Variants in SRRM1 observed in about 807,000 individuals in gnomAD.
SRRM1 encodes serine and arginine repetitive matrix 1, also known as serine/arginine repetitive matrix protein 1.
Under a neutral mutation model 110.2 loss-of-function variants are expected in SRRM1, and 19 were observed. The ratio of observed to expected loss-of-function variants is 0.17; its 90% CI spans 0.12 to 0.25. SRRM1 has a LOEUF of 0.25. SRRM1 is among the 10% of genes least tolerant of loss of function. The pLI, the probability that SRRM1 is intolerant of heterozygous loss-of-function variation, is 1.00. For synonymous variants in SRRM1, 443 were observed against 414.9 expected, an observed-to-expected ratio of 1.07 and a Z score of -0.82; for missense variants, 918 against 1,145.8, an observed-to-expected ratio of 0.80 and a Z score of 2.87.
At chr1:24,663,178 C>T in intron 12 of SRRM1, 4 of 1,513,786 alleles carry the variant, frequency 2.6e-6, no homozygotes, top group Non-Finnish European at 3.6e-6. Flanking sequence ...CTCCACTGCT[C>T]TCAGGATGCA....
intron 12 of SRRM1, among the ~76,000 whole-genome samples, chr1:24,663,878 AAATAATAAT>A (rs10555916): frequency 0.21 from 29,728 of 141,372 alleles, 3,733 homozygotes; most frequent in African/African-American, 0.36. Context: ...TCCCTCTCAA[AAATAATAAT>A]AATAATAATA....
chr1:24,649,068 T>TATTG, intron 4 of SRRM1, 39 bp downstream of exon 4: 1 of 1,587,712 alleles, frequency 6.3e-7, no homozygotes, highest in Non-Finnish European at 8.6e-7. Context: ...GATTTGAGAG[T>TATTG]ATTGGCCAGG....
chr1:24,652,588 T>C lies in SRRM1; in HGVS notation c.880T>C (p.Ser294Pro). 1 of 1,612,760 alleles carries C rather than the reference T, an allele frequency of 6.2e-7. No homozygotes were observed. Among genetic ancestry groups the C allele is most frequent in the Non-Finnish European group, 8.5e-7 (1 of 1,179,606 alleles). ...SRSRTRSRSPSHTRPRRRHRS... is the reference protein window; with the variant it reads ...SRSRTRSRSPPHTRPRRRHRS... Reference sequence around the variant, plus strand: ...ATCCCGGACGCGGTCCCGCTCTCCTTCTCACACTCGACCTAGACGGCGCCA... The same window carrying C: ...ATCCCGGACGCGGTCCCGCTCTCCTCCTCACACTCGACCTAGACGGCGCCA... Residue 294 changes from serine to proline, a missense_variant, in exon 7 of 17, where the codon TCT becomes CCT. Around this residue, in one of 5 missense-constraint regions of SRRM1, gnomAD observed 456 missense variants for 453.5 expected, o/e 1.01. Transcript: ENST00000323848.
chr1:24,653,324 AC>A (rs1255777758), intron 8 of SRRM1, among the ~76,000 whole-genome samples: 3 of 152,126 alleles, frequency 2.0e-5, no homozygotes, highest in Non-Finnish European at 4.4e-5. Flanking sequence ...AGAATTGGCC[AC>A]CTTCTCTTTG....
At chr1:24,645,432 T>C (rs1312706486) in intron 1 of SRRM1, among the ~76,000 whole-genome samples, 1 of 152,194 alleles carries the variant, frequency 6.6e-6, no homozygotes, top group African/African-American at 2.4e-5. Context: ...TAAGCTTTCA[T>C]TTTTCCAGGT....
At chr1:24,652,276 A>C (rs1033882971) in intron 6 of SRRM1, among the ~76,000 whole-genome samples, 158 bp from the exon 7 acceptor site, 1 of 151,280 alleles carries the variant, frequency 6.6e-6, no homozygotes, top group Admixed American at 6.6e-5. Context: ...TCTGGGTTTC[A>C]GTGATAGGTA....
intron 12 of SRRM1, 48 bp downstream of exon 12, chr1:24,662,852 T>A: frequency 6.3e-7 from 1 of 1,586,232 alleles, no homozygotes; most frequent in Admixed American, 1.7e-5. Flanking sequence ...GTAATTGTGA[T>A]GAAATTTGAT....
At position 24,662,691 on chromosome 1, in the gene SRRM1, A is replaced by G; in HGVS notation, c.1515A>G (p.Glu505=). 13 of 1,614,076 alleles carry G rather than the reference A, an allele frequency of 8.1e-6. No homozygotes were observed. The highest frequency in any genetic ancestry group is 1.0e-5 in the Non-Finnish European group (12 of 1,179,988). ...GCTCCTCCTCCTCCTCAGAAGATGA[A>G]CGACCCAAGAGATCCCATGTGAAGA... is the stretch of plus-strand genomic sequence containing the variant. ...DSGSSSSSED[E]RPKRSHVKNG... is the part of the protein sequence containing the mutation. Residue 505 remains glutamate (E), a synonymous_variant, in exon 12 of 17, where the codon GAA becomes GAG. Transcript: ENST00000323848.
At chr1:24,667,105 GATTAT>G (rs1386086533) in intron 13 of SRRM1, among the ~76,000 whole-genome samples, 180 bp downstream of exon 13, 3 of 152,102 alleles carry the variant, frequency 2.0e-5, no homozygotes, top group Non-Finnish European at 4.4e-5. Flanking sequence ...TCTTTCTGAT[GATTAT>G]ATCTTATTAG....
chr1:24,667,992 T>TTTG (rs1250350634), intron 13 of SRRM1, among the ~76,000 whole-genome samples: 37 of 143,996 alleles, frequency 2.6e-4, no homozygotes, highest in African/African-American at 7.9e-4. Flanking sequence ...TTTTTTTTTT[T>TTTG]GAGACAGTCT....
intron 3 of SRRM1, chr1:24,647,955 A>T (rs1370767944): frequency 3.3e-5 from 5 of 152,202 alleles, no homozygotes; most frequent in Admixed American, 3.3e-4. Context: ...TAAAGTTTAG[A>T]ACTTTTTAAG....
chr1:24,653,676 T>A lies in SRRM1; in HGVS notation c.1040+644T>A, dbSNP rs996854287. 4.6e-5 allele frequency among the ~76,000 whole-genome samples: 7 copies of A among 152,298 alleles called. No homozygotes were observed. In the East Asian group the frequency reaches 1.3e-3, roughly 29 times the overall value. ...CTAAAATGAGCATAAGATAAAATAT[T>A]TGAATCTTGGATATATCACTTTAAA... On this transcript the variant is annotated intron_variant, in intron 8 of 16. Coordinates refer to ENST00000323848, the MANE Select transcript of SRRM1 (RefSeq NM_005839.4).
intron 8 of SRRM1, 36 bp downstream of exon 8, chr1:24,653,068 G>T: frequency 1.3e-6 from 2 of 1,592,294 alleles, no homozygotes; most frequent in South Asian, 2.3e-5. Flanking sequence ...TCAAGTGTTT[G>T]ACACTTCTGG....
intron 8 of SRRM1, 133 bp downstream of exon 8, chr1:24,653,165 G>A (rs1356527473): frequency 1.2e-6 from 1 of 858,270 alleles, no homozygotes; most frequent in Non-Finnish European, 1.7e-6. Flanking sequence ...CTTCTAAAGA[G>A]TCTGTTTCAT....
Position 24,669,482 on chromosome 1 carries a change from T to A in SRRM1, c.2099T>A (p.Val700Asp). ...CAGACCTCCTCAAGTCCTCCACCCG[T>A]TCGAAGAGGAGCGTCGTCATCACCC... ...APQTSSSPPP[V>D]RRGASSSPQR... Residue 700 changes from valine to aspartate, a missense_variant, in exon 14 of 17, where the codon GTT becomes GAT. Physicochemically the swap from Val to Asp is radical, Grantham distance 152. Transcript: ENST00000323848. 1 of 1,613,208 alleles carries A rather than the reference T, an allele frequency of 6.2e-7. No homozygotes were observed. Among genetic ancestry groups the A allele is most frequent in the Non-Finnish European group, 8.5e-7 (1 of 1,179,616 alleles).
rs753990495 is a variant in SRRM1 at position 24,651,628 on chromosome 1, T to C, written c.725+16T>C. Reference sequence around the variant, plus strand: ...CTTCTACTAGGCAAGTATATAAAAATTCATTTATAAATAATCACAATTTTA... The same window carrying C: ...CTTCTACTAGGCAAGTATATAAAAACTCATTTATAAATAATCACAATTTTA... On this transcript the variant is annotated intron_variant, in intron 6 of 16. Transcript: ENST00000323848. 6.4e-7 allele frequency: 1 copy of C among 1,566,600 alleles called. No homozygotes were observed.
chr1:24,660,833 T>G (rs2148572648), intron 10 of SRRM1, 34 bp downstream of exon 10: 8 of 1,449,326 alleles, frequency 5.5e-6, no homozygotes, highest in South Asian at 2.5e-5. Flanking sequence ...GATTTTGGTT[T>G]GTTTGTTTTT....
chr1:24,651,226 C>T (rs2148321420), intron 5 of SRRM1, among the ~76,000 whole-genome samples, 183 bp from the exon 6 acceptor site: 1 of 152,264 alleles, frequency 6.6e-6, no homozygotes, highest in East Asian at 1.9e-4. Context: ...AGAATGTTAT[C>T]TTTCATTTGC....
At chr1:24,658,514 C>T (rs1665471383) in intron 9 of SRRM1, among the ~76,000 whole-genome samples, 1 of 152,248 alleles carries the variant, frequency 6.6e-6, no homozygotes, top group East Asian at 1.9e-4. Context: ...AATGAGTAGG[C>T]TTTTGCCAAC....
Sources: gnomAD v4.1 joint callset for allele counts (sites outside exome capture counted in the v4.1 genomes callset) on GRCh38, gnomAD v4.1.1 for gene constraint, gnomAD v4.1.1 regional missense constraint, MANE v1.5 for transcripts, NCBI Gene and HGNC (gene_info 2026-07-23, HGNC 2026-07-21) for gene names.